The following LYRM4 variants were observed in gnomAD, a reference collection of about 807,000 sequenced individuals.
The protein encoded by LYRM4 is LYR motif-containing protein 4.
LYRM4 carries 9 observed loss-of-function variants against 11.7 expected under a neutral mutation model. The ratio of observed to expected loss-of-function variants is 0.77; its 90% CI spans 0.46 to 1.34. The LOEUF is 1.34. LYRM4 is among the 40% of genes most tolerant of loss of function. The probability of loss-of-function intolerance (pLI) is 0.00; values close to 1 mark genes in which losing one functional copy is unlikely to be tolerated. For missense variants in LYRM4, 133 were observed against 112.5 expected, an observed-to-expected ratio of 1.18 and a Z score of -0.82; for synonymous variants, 42 against 40.4, an observed-to-expected ratio of 1.04 and a Z score of -0.15.
chr6:5,082,551 A>C, the LYRM4 span, among the ~76,000 whole-genome samples: 2 of 152,088 alleles, frequency 1.3e-5, no homozygotes, highest in Non-Finnish European at 2.9e-5. Context: ...ACTCCTAAAT[A>C]GCGCTCAGAT....
chr6:5,190,320 TATAG>T (rs1227709501), intron 2 of LYRM4, among the ~76,000 whole-genome samples: 1 of 152,106 alleles, frequency 6.6e-6, no homozygotes. Context: ...TCTCCTGATA[TATAG>T]ATAGATGGAT....
intron 2 of LYRM4, among the ~76,000 whole-genome samples, chr6:5,141,536 A>G (rs1757410074): frequency 6.6e-6 from 1 of 152,260 alleles, no homozygotes; most frequent in African/African-American, 2.4e-5. Flanking sequence ...GTGTGGATGA[A>G]GGAACCTCAT....
the LYRM4 span, among the ~76,000 whole-genome samples, chr6:5,094,837 G>A: frequency 1.5e-3 from 234 of 152,328 alleles, no homozygotes; most frequent in African/African-American, 5.2e-3. Context: ...AGGGATCGCT[G>A]AAGGGGAAGG....
intron 1 of LYRM4, among the ~76,000 whole-genome samples, chr6:5,245,108 AAAAAAATATATATATATAT>A (rs1267387476): frequency 6.6e-5 from 3 of 45,402 alleles, no homozygotes; most frequent in East Asian, 5.3e-4. Flanking sequence ...AAAAAAAAAA[AAAAAAATATATATATATAT>A]ATATATATAT....
At chr6:5,240,067 T>A (rs989762251) in intron 1 of LYRM4, among the ~76,000 whole-genome samples, 3 of 152,050 alleles carry the variant, frequency 2.0e-5, no homozygotes, top group Non-Finnish European at 2.9e-5. Flanking sequence ...AAAATAAGAC[T>A]CAAAACACCA....
chr6:5,092,028 TTC>T, the LYRM4 span, among the ~76,000 whole-genome samples: 18 of 152,184 alleles, frequency 1.2e-4, no homozygotes, highest in African/African-American at 4.1e-4. Context: ...AAATAGGAAA[TTC>T]AGTCTGAAAA....
intron 2 of LYRM4, among the ~76,000 whole-genome samples, chr6:5,115,476 G>T (rs1470097381): frequency 6.6e-6 from 1 of 152,156 alleles, no homozygotes; most frequent in Non-Finnish European, 1.5e-5. Context: ...CTGTTGTGTG[G>T]CCCTCTGCTG....
chr6:5,138,024 G>A (rs903946229), intron 2 of LYRM4, among the ~76,000 whole-genome samples: 1 of 152,180 alleles, frequency 6.6e-6, no homozygotes, highest in Non-Finnish European at 1.5e-5. Flanking sequence ...ACTGGGGAAG[G>A]TGGTGGCTCC....
chr6:5,200,312 C>T (rs780190037), intron 2 of LYRM4, among the ~76,000 whole-genome samples: 97 of 152,248 alleles, frequency 6.4e-4, no homozygotes, highest in Non-Finnish European at 3.7e-4. Flanking sequence ...ACTCCACTCT[C>T]GAGGACATGT....
intron 1 of LYRM4, among the ~76,000 whole-genome samples, chr6:5,245,119 T>A (rs1427756467): frequency 0.055 from 971 of 17,770 alleles, 35 homozygotes; most frequent in South Asian, 0.083. Context: ...AAAAAATATA[T>A]ATATATATAT....
At chr6:5,182,395 G>A (rs1168840722) in intron 2 of LYRM4, among the ~76,000 whole-genome samples, 2 of 152,142 alleles carry the variant, frequency 1.3e-5, no homozygotes, top group Non-Finnish European at 2.9e-5. Flanking sequence ...TATTAGATTA[G>A]CAACTGCTTT....
intron 2 of LYRM4, among the ~76,000 whole-genome samples, chr6:5,191,965 A>G (rs931796338): frequency 6.6e-6 from 1 of 152,222 alleles, no homozygotes; most frequent in Non-Finnish European, 1.5e-5. Flanking sequence ...TTAAGACTGG[A>G]GAACATTCTG....
the LYRM4 span, among the ~76,000 whole-genome samples, chr6:5,074,743 GGA>G: frequency 1.3e-5 from 2 of 152,030 alleles, no homozygotes; most frequent in East Asian, 3.9e-4. Flanking sequence ...GTGATTTGGA[GGA>G]GATTTCTCTA....
In LYRM4 at chr6:5,218,252, A is replaced by G. The variant is rs1351604569; in HGVS notation, c.87-1514T>C. 5 of 985,250 alleles carry G rather than the reference A, an allele frequency of 5.1e-6. No homozygotes were observed. In the South Asian group the frequency reaches 1.9e-4, roughly 37 times the overall value. The allele number at this position is 985,250 out of a possible 1,614,324, so 61.0% of individuals were successfully genotyped here. On this transcript the variant is annotated intron_variant, in intron 1 of 2. Transcript: ENST00000330636. The stretch of plus-strand genomic sequence containing the variant: ...ACAGACTGCTCTGCTTTTAACTTGG[A>G]GCACCGGTTAAAGAATCCATGTGAT...
intron 1 of LYRM4, among the ~76,000 whole-genome samples, chr6:5,220,103 A>C (rs1762498232): frequency 6.6e-6 from 1 of 152,084 alleles, no homozygotes; most frequent in Non-Finnish European, 1.5e-5. Context: ...CTGTCATTAG[A>C]TCTCAAGTGC....
rs138683173 is a variant in LYRM4, at chr6:5,128,302, A to G, written c.208-18811T>C. Among the ~76,000 whole-genome samples the G allele has an allele frequency of 6.6e-3, 999 of 152,304 alleles. 1 individual carries two copies. Among genetic ancestry groups the G allele is most frequent in the Middle Eastern group, 0.024 (7 of 294 alleles). On this transcript the variant is annotated intron_variant, in intron 2 of 2. Coordinates refer to ENST00000330636, the MANE Select transcript of LYRM4 (RefSeq NM_020408.6). ...GACATTTATATCCTGGAAGCAGGGC[A>G]CCCATCACCGCTCACACACCCTGCT...
intron 2 of LYRM4, among the ~76,000 whole-genome samples, chr6:5,119,793 A>AC (rs1400412099): frequency 7.0e-6 from 1 of 143,128 alleles, no homozygotes; most frequent in East Asian, 2.1e-4. Flanking sequence ...TGTCTCCATA[A>AC]CAAAAAAAAA....
At chr6:5,228,339 C>T (rs6921627) in intron 1 of LYRM4, among the ~76,000 whole-genome samples, 7,466 of 151,916 alleles carry the variant, frequency 0.049, 600 homozygotes, top group African/African-American at 0.16. Flanking sequence ...TGCAGTAATG[C>T]GGTCTCGGCT....
intron 2 of LYRM4, among the ~76,000 whole-genome samples, chr6:5,170,153 G>C (rs1759340193): frequency 6.6e-6 from 1 of 152,182 alleles, no homozygotes; most frequent in African/African-American, 2.4e-5. Flanking sequence ...GATGCCAAAG[G>C]GTTTTGGATC....
Sources: allele counts gnomAD v4.1 joint callset (sites outside exome capture counted in the v4.1 genomes callset), GRCh38; gene constraint gnomAD v4.1.1; transcripts MANE v1.5; gene names NCBI Gene and HGNC (gene_info 2026-07-23, HGNC 2026-07-21).